TLN1: variants seen among roughly 807,000 people sequenced by gnomAD.
The protein encoded by TLN1 is talin-1.
Under a neutral mutation model 292.3 loss-of-function variants are expected in TLN1, and 56 were observed. The observed-to-expected ratio is 0.19, with a 90% CI of 0.15 to 0.24. TLN1 has a LOEUF of 0.24. Ranked by LOEUF, TLN1 falls within the 10% of genes least tolerant of loss-of-function variation. The pLI is 1.00. For missense variants in TLN1, 2,433 were observed against 3,248.2 expected, an observed-to-expected ratio of 0.75 and a Z score of 6.10; for synonymous variants, 1,119 against 1,253.7, an observed-to-expected ratio of 0.89 and a Z score of 2.27.
intron 7 of TLN1, chr9:35,723,422 A>G: frequency 5.3e-6 from 1 of 187,544 alleles, no homozygotes; most frequent in Non-Finnish European, 1.1e-5. Flanking sequence ...TCTTAATGTG[A>G]CCTGTGTCTC....
chr9:35,701,821 G>C (rs1825471797), intron 48 of TLN1, among the ~76,000 whole-genome samples: 1 of 152,174 alleles, frequency 6.6e-6, no homozygotes. Flanking sequence ...TTGAAGCTAG[G>C]TTTCTGGCTT....
chr9:35,697,986 C>T (rs1327305613), intron 56 of TLN1, 58 bp downstream of exon 56: 32 of 1,613,728 alleles, frequency 2.0e-5, no homozygotes, highest in Admixed American at 3.3e-5. Flanking sequence ...TTGGGACCAG[C>T]GCAGGCAACA....
intron 30 of TLN1, 59 bp downstream of exon 30, chr9:35,711,196 T>C: frequency 6.2e-7 from 1 of 1,611,316 alleles, no homozygotes. Context: ...TCTCATGAAC[T>C]GCCTGCTCCC....
intron 17 of TLN1, among the ~76,000 whole-genome samples, chr9:35,718,122 C>T (rs796473101): frequency 1.4e-4 from 21 of 152,326 alleles, no homozygotes; most frequent in African/African-American, 4.8e-4. Context: ...TCCCTCCACC[C>T]CCAGCTTCTT....
rs1587977851 is a variant in TLN1 at position 35,704,791 on chromosome 9, C to T, written c.5758G>A (p.Val1920Ile). The T allele has an allele frequency of 6.2e-7, 1 of 1,614,024 alleles. No individual in the cohort carries two copies. The highest frequency in any genetic ancestry group is 8.5e-7 in the Non-Finnish European group (1 of 1,179,948). ...GCACAGCCATGGCCCAGCTCCTGTA[C>T]CCGGTGTTTGATATGGGAACCTATC... ...EEIGSHIKHR[V>I]QELGHGCAAL... The change falls in exon 44 of 57, where the codon GTA (valine) becomes ATA (isoleucine). Residue 1920 changes from valine (V) to isoleucine (I), a missense_variant. Val to Ile is a conservative substitution (Grantham distance 29). Around this residue, in one of 7 missense-constraint regions of TLN1, gnomAD observed 1,384 missense variants for 1,699.6 expected, o/e 0.81. Transcript: ENST00000314888. This position sits in a 1 kb window ranked among gnomAD's most constrained non-coding sequence, Gnocchi z 6.9.
Position 35,712,817 on chromosome 9 carries a change from C to G in TLN1, c.3561+18G>C. 2 of 1,553,354 alleles carry G rather than the reference C, an allele frequency of 1.3e-6. No individual in the cohort carries two copies. Among genetic ancestry groups the G allele is most frequent in the South Asian group, 2.4e-5 (2 of 84,894 alleles). On this transcript the variant is annotated intron_variant, in intron 27 of 56. Coordinates refer to ENST00000314888, the MANE Select transcript of TLN1 (RefSeq NM_006289.4). Reference sequence around the variant, plus strand: ...AGGAACCTGGGGGAGAGGGAGTGGCCCTTTCCCAGTATCTGACCTGGGCAA... The same window carrying G: ...AGGAACCTGGGGGAGAGGGAGTGGCGCTTTCCCAGTATCTGACCTGGGCAA...
At chr9:35,726,316 T>C (rs1175602119) in intron 1 of TLN1, among the ~76,000 whole-genome samples, 1 of 152,198 alleles carries the variant, frequency 6.6e-6, no homozygotes, top group Non-Finnish European at 1.5e-5. Context: ...GCCCCACCAC[T>C]GGAATTTGTA....
In TLN1 at chr9:35,705,625, T is replaced by G. The variant is rs1261650264; in HGVS notation, c.5659A>C (p.Asn1887His). Residue 1887 changes from asparagine (N) to histidine (H), a missense_variant, in exon 43 of 57, where the codon AAC becomes CAC. Physicochemically the swap from Asn to His is moderately conservative, Grantham distance 68. This residue lies in a region of TLN1 where 1,384 missense variants were observed against 1,699.6 expected (regional missense o/e 0.81). Transcript: ENST00000314888. ...CGGCCATAGTCACTGGTCAGCTGGT[T>G]AGCAAGAGGGCCCAGCTCCTCTGGG... ...TSPEELGPLA[N>H]QLTSDYGRLA... 24 of 1,608,478 alleles carry G rather than the reference T, an allele frequency of 1.5e-5. No homozygotes were observed. The highest frequency in any genetic ancestry group is 2.7e-5 in the African/African-American group (2 of 74,818).
Position 35,725,725 on chromosome 9 carries a change from T to C in TLN1, c.-31A>G. The C allele has an allele frequency of 3.1e-6, 5 of 1,610,726 alleles. No homozygotes were observed. Among genetic ancestry groups the C allele is most frequent in the Non-Finnish European group, 3.4e-6 (4 of 1,178,248 alleles). On this transcript the variant is annotated splice_region_variant and 5_prime_UTR_variant, in exon 2 of 57. Transcript: ENST00000314888. The stretch of plus-strand genomic sequence containing the variant: ...CAGCTTCTTTTCTCCAGCCTGGCTA[T>C]ACCTGACCCATGGCATCAGGGCATT...
chr9:35,724,316 C>T lies in TLN1; in HGVS notation c.530G>A (p.Gly177Asp), dbSNP rs1825929637. ...TDDELNWLDH[G>D]RTLREQGVEE... is the part of the protein sequence containing the mutation. ...TACACCCTGCTCCCTCAGTGTCCGA[C>T]CATGGTCCAGCCAGTTCACTGGGAT... Residue 177 changes from glycine (G) to aspartate (D), a missense_variant, in exon 6 of 57, where the codon GGT (glycine) becomes GAT (aspartate). This residue lies in a region of TLN1 where 155 missense variants were observed against 287.9 expected (regional missense o/e 0.54). Coordinates refer to ENST00000314888, the MANE Select transcript of TLN1 (RefSeq NM_006289.4). The surrounding 1 kb of genome is among the most constrained non-coding windows in gnomAD (Gnocchi z 4.7). The T allele has an allele frequency of 6.2e-7, 1 of 1,614,212 alleles. No individual in the cohort carries two copies. The highest frequency in any genetic ancestry group is 8.5e-7 in the Non-Finnish European group (1 of 1,180,034).
In TLN1 at chr9:35,706,595, G is replaced by T; in HGVS notation, c.5089-44C>A. 6.2e-7 allele frequency: 1 copy of T among 1,603,602 alleles called. No individual in the cohort carries two copies. Among genetic ancestry groups the T allele is most frequent in the South Asian group, 1.1e-5 (1 of 90,780 alleles). ...TTAGCCCTGATGGTGACCTGCAATAGGACCCTCTGGCTACAAAGAACTGCT... is the reference window on the plus strand; with the variant it reads ...TTAGCCCTGATGGTGACCTGCAATATGACCCTCTGGCTACAAAGAACTGCT... On this transcript the variant is annotated intron_variant, in intron 38 of 56. Coordinates refer to ENST00000314888, the MANE Select transcript of TLN1 (RefSeq NM_006289.4). The surrounding 1 kb of genome is among the most constrained non-coding windows in gnomAD (Gnocchi z 4.2).
At position 35,717,443 on chromosome 9, in the gene TLN1, G is replaced by A; in HGVS notation, c.2164-3C>T. Reference sequence around the variant, plus strand: ...GAGCTGATTGTAGGTGCCACCACCTGTAGGTAAAGTGAATGTCAGAGACGT... The same window carrying A: ...GAGCTGATTGTAGGTGCCACCACCTATAGGTAAAGTGAATGTCAGAGACGT... On this transcript the variant is annotated splice_region_variant and splice_polypyrimidine_tract_variant and intron_variant, in intron 18 of 56. Coordinates refer to ENST00000314888, the MANE Select transcript of TLN1 (RefSeq NM_006289.4). The surrounding 1 kb of genome is among the most constrained non-coding windows in gnomAD (Gnocchi z 4.7). 1 of 1,610,482 alleles carries A rather than the reference G, an allele frequency of 6.2e-7. No individual in the cohort carries two copies. The highest frequency in any genetic ancestry group is 1.7e-5 in the Admixed American group (1 of 59,958).
intron 1 of TLN1, 124 bp from the exon 2 acceptor site, chr9:35,725,851 T>A: frequency 1.3e-6 from 1 of 741,676 alleles, no homozygotes; most frequent in South Asian, 2.1e-5. Context: ...GTAATAAGGT[T>A]GTTTTCATTG....
At chr9:35,712,244 C>A (rs1168642938) in intron 27 of TLN1, 120 bp from the exon 28 acceptor site, 6 of 1,341,582 alleles carry the variant, frequency 4.5e-6, no homozygotes, top group South Asian at 1.5e-5. Context: ...AGAAAGGGGG[C>A]GTTGTAGGTG....
chr9:35,710,405 A>G (rs1825646569), intron 33 of TLN1, among the ~76,000 whole-genome samples, 156 bp downstream of exon 33: 3 of 152,160 alleles, frequency 2.0e-5, no homozygotes, highest in Non-Finnish European at 2.9e-5. Flanking sequence ...GTAATTGCTG[A>G]CAAGTGTCTC....
chr9:35,713,328 G>A (rs993742202), intron 25 of TLN1, 30 bp from the exon 26 acceptor site: 2 of 1,546,132 alleles, frequency 1.3e-6, no homozygotes, highest in African/African-American at 1.4e-5. Flanking sequence ...AATTGGGCTT[G>A]AGAAAGGAGA....
chr9:35,717,214 C>A lies in TLN1; in HGVS notation c.2390G>T (p.Arg797Leu). The change falls in exon 19 of 57, where the codon CGT (arginine) becomes CTT (leucine). Residue 797 changes from arginine to leucine, a missense_variant. Arg to Leu is a moderately radical substitution (Grantham distance 102). Coordinates refer to ENST00000314888, the MANE Select transcript of TLN1 (RefSeq NM_006289.4). The surrounding 1 kb of genome is among the most constrained non-coding windows in gnomAD (Gnocchi z 4.7). The part of the protein sequence containing the change: ...AHATGAGPAG[R>L]YDQATDTILT... ...GATGGTGTCAGTAGCCTGGTCATAA[C>A]GGCCAGCAGGCCCAGCCCCTGTGGC... 6.2e-7 allele frequency: 1 copy of A among 1,613,980 alleles called. No individual in the cohort carries two copies. The highest frequency in any genetic ancestry group is 1.1e-5 in the South Asian group (1 of 91,092).
At position 35,703,790 on chromosome 9, in the gene TLN1, T is replaced by C. The variant is rs1318489824; in HGVS notation, c.6342A>G (p.Leu2114=). Residue 2114 remains leucine (L), a synonymous_variant, in exon 47 of 57, where the codon CTA becomes CTG. Transcript: ENST00000314888. ...TCTCTCCAACCTTGGCAGAGTTCTTTAGCTGCCACACAGCAGGGTCATCTC... is the reference window on the plus strand; with the variant it reads ...TCTCTCCAACCTTGGCAGAGTTCTTCAGCTGCCACACAGCAGGGTCATCTC... The part of the protein sequence containing the change: ...KVGDDPAVWQ[L]KNSAKVMVTN... The C allele has an allele frequency of 8.1e-6, 13 of 1,614,234 alleles. No individual in the cohort carries two copies. In the East Asian group the frequency reaches 1.8e-4, roughly 22 times the overall value.
rs1006918778 is a variant in TLN1 at position 35,725,581 on chromosome 9, C to T, written c.114G>A (p.Glu38=). Residue 38 remains glutamate (E), a synonymous_variant, in exon 2 of 57, where the codon GAG becomes GAA. Transcript: ENST00000314888. ...CAGACTCACGAGGACCAGCTGGGGC[C>T]TCTGGGATCCGCTCACGAATGATGC... ...ACRIIRERIP[E]APAGPPSDFG... is the part of the protein sequence containing the mutation. 4 of 1,613,390 alleles carry T rather than the reference C, an allele frequency of 2.5e-6. No individual in the cohort carries two copies. Among genetic ancestry groups the T allele is most frequent in the Non-Finnish European group, 3.4e-6 (4 of 1,179,596 alleles).
Sources: gnomAD v4.1 joint callset for allele counts (sites outside exome capture counted in the v4.1 genomes callset) on GRCh38, gnomAD v4.1.1 for gene constraint, gnomAD v4.1.1 regional missense constraint, Gnocchi (gnomAD v3.1) non-coding constraint, MANE v1.5 for transcripts, NCBI Gene and HGNC (gene_info 2026-07-23, HGNC 2026-07-21) for gene names.